FMN2: variants seen among roughly 807,000 people sequenced by gnomAD.
FMN2 encodes formin 2, also known as formin-2.
A neutral mutation model predicts 142.3 loss-of-function variants in FMN2; 51 were observed. The ratio of observed to expected loss-of-function variants is 0.36; its 90% CI spans 0.29 to 0.45. The LOEUF (loss-of-function observed/expected upper bound fraction) is 0.45, where lower values mean the gene tolerates loss of function less well. Among genes scored for constraint, FMN2 ranks in the 20% least tolerant of loss-of-function variants. The pLI is 1.00. For missense variants in FMN2, 1,936 were observed against 2,122.8 expected (o/e 0.91, Z 1.73); for synonymous variants, 882 against 869.8 (o/e 1.01, Z -0.25).
intron 7 of FMN2, among the ~76,000 whole-genome samples, chr1:240,275,248 A>G (rs190666849): frequency 1.6e-3 from 243 of 151,176 alleles, no homozygotes; most frequent in African/African-American, 5.7e-3. Context: ...TAGCCCCCCA[A>G]CCCCAAACAG....
intron 14 of FMN2, among the ~76,000 whole-genome samples, chr1:240,369,517 G>A (rs1311698248): frequency 1.3e-5 from 2 of 151,988 alleles, no homozygotes. Flanking sequence ...TCTTTCTCAA[G>A]TACACCCTTG....
intron 7 of FMN2, among the ~76,000 whole-genome samples, chr1:240,267,113 A>G (rs927539825): frequency 3.3e-5 from 5 of 152,152 alleles, no homozygotes; most frequent in Non-Finnish European, 5.9e-5. Context: ...TAATTAAACT[A>G]AAGAGCTTCT....
chr1:240,095,200 TTTCTC>T (rs1331285039), intron 1 of FMN2, among the ~76,000 whole-genome samples: 1 of 152,196 alleles, frequency 6.6e-6, no homozygotes, highest in Non-Finnish European at 1.5e-5. Flanking sequence ...AATCACATAT[TTTCTC>T]TTTATCTAAG....
intron 15 of FMN2, among the ~76,000 whole-genome samples, chr1:240,411,830 A>G (rs1013340540): frequency 1.3e-5 from 2 of 152,266 alleles, no homozygotes; most frequent in Non-Finnish European, 1.5e-5. Flanking sequence ...TAGCATTTCT[A>G]AAATTGAAAT....
In FMN2 at chr1:240,207,318, G is replaced by C. The variant is rs1271818697; in HGVS notation, c.2506G>C (p.Glu836Gln). 1 of 1,613,720 alleles carries C rather than the reference G, an allele frequency of 6.2e-7. No individual in the cohort carries two copies. The highest frequency in any genetic ancestry group is 8.5e-7 in the Non-Finnish European group (1 of 1,179,834). ...ACAGCCGCCCCATTCTATTTCTACC[G>C]AGTTTCAAACCAGCCACGAACACTC... ...GSQPPHSIST[E>Q]FQTSHEHSVS... Residue 836 changes from glutamate (E) to glutamine (Q), a missense_variant, in exon 5 of 18, where the codon GAG (glutamate) becomes CAG (glutamine). Glu to Gln is a conservative substitution (Grantham distance 29, BLOSUM62 2). This residue lies in a region of FMN2 where 478 missense variants were observed against 462.8 expected (regional missense o/e 1.03). Transcript: ENST00000319653.
chr1:240,441,708 A>G (rs1675628034), intron 16 of FMN2, among the ~76,000 whole-genome samples: 1 of 148,876 alleles, frequency 6.7e-6, no homozygotes, highest in South Asian at 2.1e-4. Context: ...TATGGTCCTC[A>G]TATGGGATTA....
chr1:240,460,461 A>G (rs952066739), intron 16 of FMN2, among the ~76,000 whole-genome samples: 15 of 151,998 alleles, frequency 9.9e-5, no homozygotes, highest in African/African-American at 3.4e-4. Flanking sequence ...GCGTGGTGGC[A>G]GGTGCCTGTA....
At chr1:240,095,812 G>A (rs968615394) in intron 1 of FMN2, among the ~76,000 whole-genome samples, 5 of 151,876 alleles carry the variant, frequency 3.3e-5, no homozygotes, top group African/African-American at 1.2e-4. Context: ...TTGAAATTTG[G>A]GACTCTTAAA....
At chr1:240,321,406 T>A (rs1670968073) in intron 8 of FMN2, among the ~76,000 whole-genome samples, 1 of 152,186 alleles carries the variant, frequency 6.6e-6, no homozygotes, top group Non-Finnish European at 1.5e-5. Context: ...TCTGATAGGA[T>A]TACAGATGGT....
At chr1:240,374,288 A>G (rs1228368435) in intron 14 of FMN2, among the ~76,000 whole-genome samples, 6 of 152,178 alleles carry the variant, frequency 3.9e-5, no homozygotes, top group South Asian at 2.1e-4. Flanking sequence ...ACTCACTTCA[A>G]CTGAAAGTCA....
At chr1:240,380,940 A>G (rs1673206003) in intron 14 of FMN2, among the ~76,000 whole-genome samples, 1 of 152,186 alleles carries the variant, frequency 6.6e-6, no homozygotes, top group Admixed American at 6.5e-5. Context: ...AAATCATCAG[A>G]GACTATTATG....
chr1:240,093,693 G>A lies in FMN2; in HGVS notation c.1584G>A (p.Ala528=). 1 of 1,368,026 alleles carries A rather than the reference G, an allele frequency of 7.3e-7. No homozygotes were observed. Among genetic ancestry groups the A allele is most frequent in the African/African-American group, 1.5e-5 (1 of 66,590 alleles). 84.7% of individuals were successfully genotyped at this position (1,368,026 alleles called of 1,614,324 possible). A position where few individuals can be genotyped will look rare whatever the true frequency, so the allele number is the denominator to read the frequency against. ...CCGCCAAGGCGTCTGGGGCCCCCGC[G>A]GCTGCGGATGGCTTCCAGAACGTGT... ...ALAAKASGAP[A]AADGFQNVFT... Residue 528 remains alanine (A), a synonymous_variant, in exon 1 of 18, where the codon GCG becomes GCA. Coordinates refer to ENST00000319653, the MANE Select transcript of FMN2 (RefSeq NM_020066.5).
chr1:240,408,891 A>G (rs368407362), intron 15 of FMN2, among the ~76,000 whole-genome samples: 1 of 152,124 alleles, frequency 6.6e-6, no homozygotes, highest in Non-Finnish European at 1.5e-5. Flanking sequence ...TGACAAGCGT[A>G]TTTTCAAAAT....
chr1:240,166,355 G>A (rs917632601), intron 2 of FMN2, among the ~76,000 whole-genome samples: 18 of 151,650 alleles, frequency 1.2e-4, no homozygotes, highest in Non-Finnish European at 1.8e-4. Context: ...TGAACCTCCC[G>A]AGTAAGTGAG....
At chr1:240,122,083 T>A (rs114224548) in intron 1 of FMN2, among the ~76,000 whole-genome samples, 42,174 of 142,298 alleles carry the variant, frequency 0.3, 6,350 homozygotes, top group Non-Finnish European at 0.35. Context: ...TTAATTTATT[T>A]ATTTATTTAT....
chr1:240,207,629 AGCGG>A lies in FMN2; in HGVS notation c.2819_2822del (p.Ala940GlufsTer334). 8.7e-7 allele frequency: 1 copy of A among 1,151,172 alleles called. No individual in the cohort carries two copies. Among genetic ancestry groups the A allele is most frequent in the Non-Finnish European group, 1.1e-6 (1 of 884,664 alleles). The allele number at this position is 1,151,172 out of a possible 1,614,324, so 71.3% of individuals were successfully genotyped here. A position where few individuals can be genotyped will look rare whatever the true frequency, so the allele number is the denominator to read the frequency against. On this transcript the variant is annotated frameshift_variant, in exon 5 of 18. Transcript: ENST00000319653. LOFTEE classifies it high-confidence loss of function. ...TACTCCCTCTGCCCCCTCTACCCGGAGCGGGAATACCTCCTCCGCCCCCTCTACC... is the reference window on the plus strand; with the variant it reads ...TACTCCCTCTGCCCCCTCTACCCGGAGAATACCTCCTCCGCCCCCTCTACC...
chr1:240,383,548 T>C (rs1240163565), intron 14 of FMN2, among the ~76,000 whole-genome samples: 1 of 152,174 alleles, frequency 6.6e-6, no homozygotes. Context: ...TGGGATACCA[T>C]CTTTCAACAG....
intron 15 of FMN2, among the ~76,000 whole-genome samples, chr1:240,429,882 TTGTTTTTTTTTTG>T (rs1209556257): frequency 1.4e-5 from 2 of 144,210 alleles, no homozygotes; most frequent in African/African-American, 5.9e-5. Context: ...TTGTTTTTTT[TTGTTTTTTTTTTG>T]TTTTTTTTGA....
chr1:240,354,127 G>A (rs1040695619), intron 13 of FMN2, among the ~76,000 whole-genome samples: 32 of 152,186 alleles, frequency 2.1e-4, no homozygotes, highest in Non-Finnish European at 3.5e-4. Flanking sequence ...CAGGTTAAGC[G>A]GTTGGGTCTC....
Sources: gnomAD v4.1 joint callset for allele counts (sites outside exome capture counted in the v4.1 genomes callset) on GRCh38, gnomAD v4.1.1 for gene constraint, gnomAD v4.1.1 regional missense constraint, MANE v1.5 for transcripts, NCBI Gene and HGNC (gene_info 2026-07-23, HGNC 2026-07-21) for gene names.